The following PDZRN4 variants were observed in gnomAD, a reference collection of about 807,000 sequenced individuals.
PDZRN4 encodes PDZ domain-containing RING finger protein 4.
PDZRN4 carries 70 observed loss-of-function variants against 99.0 expected under a neutral mutation model. That is an observed-to-expected ratio of 0.71 (90% CI 0.58 to 0.86). PDZRN4 has a LOEUF of 0.86. PDZRN4 is among the 40% of genes least tolerant of loss of function. The probability of loss-of-function intolerance (pLI) is 0.00; values close to 1 mark genes in which losing one functional copy is unlikely to be tolerated. For synonymous variants in PDZRN4, 551 were observed against 501.6 expected, an observed-to-expected ratio of 1.10 and a Z score of -1.32; for missense variants, 1,474 against 1,331.2, an observed-to-expected ratio of 1.11 and a Z score of -1.67.
intron 3 of PDZRN4, among the ~76,000 whole-genome samples, chr12:41,234,474 T>C (rs376929593): frequency 6.6e-6 from 1 of 152,084 alleles, no homozygotes; most frequent in African/African-American, 2.4e-5. Flanking sequence ...AATCACAATG[T>C]GAAACAATTT....
intron 3 of PDZRN4, among the ~76,000 whole-genome samples, chr12:41,444,775 A>T (rs1409788097): frequency 6.6e-6 from 1 of 152,070 alleles, no homozygotes; most frequent in Non-Finnish European, 1.5e-5. Context: ...TTAAAAAGTA[A>T]AATAAGTTGA....
At chr12:41,283,827 A>C (rs1394015930) in intron 3 of PDZRN4, among the ~76,000 whole-genome samples, 2 of 152,148 alleles carry the variant, frequency 1.3e-5, no homozygotes, top group African/African-American at 2.4e-5. Context: ...TGCTAAAAAC[A>C]CTCAATAAAC....
At chr12:41,309,596 A>T (rs1343603147) in intron 3 of PDZRN4, among the ~76,000 whole-genome samples, 3 of 152,150 alleles carry the variant, frequency 2.0e-5, no homozygotes, top group Non-Finnish European at 2.9e-5. Context: ...TATAAGTAAT[A>T]TTAAAGTTAA....
chr12:41,381,233 G>C (rs1410970710), intron 3 of PDZRN4, among the ~76,000 whole-genome samples: 2 of 151,644 alleles, frequency 1.3e-5, no homozygotes, highest in Non-Finnish European at 2.9e-5. Flanking sequence ...GGACTATTTG[G>C]GTCTCATGAA....
intron 3 of PDZRN4, among the ~76,000 whole-genome samples, chr12:41,381,289 T>C (rs1488790816): frequency 2.0e-5 from 3 of 152,182 alleles, no homozygotes; most frequent in Non-Finnish European, 4.4e-5. Context: ...TTTCTTTAAA[T>C]AGACTTTCTG....
At chr12:41,350,520 AT>A (rs1309144919) in intron 3 of PDZRN4, among the ~76,000 whole-genome samples, 1 of 152,168 alleles carries the variant, frequency 6.6e-6, no homozygotes, top group Non-Finnish European at 1.5e-5. Context: ...AATTTGATAC[AT>A]TTTAGTGAAA....
At chr12:41,391,442 C>T (rs146196415) in intron 3 of PDZRN4, among the ~76,000 whole-genome samples, 189 of 152,226 alleles carry the variant, frequency 1.2e-3, no homozygotes, top group African/African-American at 4.4e-3. Flanking sequence ...CCAAGCTCAC[C>T]GTATAACCAA....
chr12:41,198,498 T>G (rs1438043606), intron 3 of PDZRN4, among the ~76,000 whole-genome samples: 1 of 151,614 alleles, frequency 6.6e-6, no homozygotes, highest in African/African-American at 2.4e-5. Flanking sequence ...TATTAAAATC[T>G]TTTTATTCTA....
intron 3 of PDZRN4, among the ~76,000 whole-genome samples, chr12:41,198,490 T>C (rs1289947858): frequency 2.0e-5 from 3 of 151,790 alleles, no homozygotes; most frequent in African/African-American, 7.3e-5. Context: ...AGTGTATATA[T>C]TAAAATCTTT....
intron 3 of PDZRN4, among the ~76,000 whole-genome samples, chr12:41,477,706 G>A (rs553735049): frequency 6.6e-6 from 1 of 152,192 alleles, no homozygotes; most frequent in South Asian, 2.1e-4. Flanking sequence ...ATAAATGATG[G>A]TTATTTGGTG....
chr12:41,432,558 T>G (rs1056108241), intron 3 of PDZRN4, among the ~76,000 whole-genome samples: 1 of 152,238 alleles, frequency 6.6e-6, no homozygotes, highest in Non-Finnish European at 1.5e-5. Context: ...GGTACAATTC[T>G]ATGAGTTTTG....
chr12:41,489,025 T>A (rs539273213), intron 3 of PDZRN4, among the ~76,000 whole-genome samples: 1 of 152,312 alleles, frequency 6.6e-6, no homozygotes, highest in Admixed American at 6.5e-5. Flanking sequence ...AAGTGGCCCA[T>A]CACAAATGCA....
At chr12:41,395,837 C>T (rs565686578) in intron 3 of PDZRN4, among the ~76,000 whole-genome samples, 45 of 152,204 alleles carry the variant, frequency 3.0e-4, no homozygotes, top group African/African-American at 1.1e-3. Flanking sequence ...TAGGACACTA[C>T]CTTAGATTTT....
At chr12:41,550,864 A>G (rs567643144) in intron 5 of PDZRN4, among the ~76,000 whole-genome samples, 1 of 152,314 alleles carries the variant, frequency 6.6e-6, no homozygotes, top group South Asian at 2.1e-4. Flanking sequence ...TAAACAGGTT[A>G]TTATCCACTG....
chr12:41,295,324 C>T lies in PDZRN4; in HGVS notation c.843+101136C>T, dbSNP rs1951484827. Among the ~76,000 whole-genome samples the T allele has an allele frequency of 3.3e-5, 5 of 151,986 alleles. No individual in the cohort carries two copies. In the South Asian group the frequency reaches 6.2e-4, roughly 19 times the overall value. On this transcript the variant is annotated intron_variant, in intron 3 of 9. Transcript: ENST00000402685. ...CAATTACAAAGAGTTCCCATATTGT[C>T]ATCAAATCAAAAATAGTCCCCAATT...
chr12:41,399,882 C>T (rs1309791274), intron 3 of PDZRN4, among the ~76,000 whole-genome samples: 1 of 151,922 alleles, frequency 6.6e-6, no homozygotes, highest in Non-Finnish European at 1.5e-5. Flanking sequence ...TCTGTTTATG[C>T]AGAAGCTTCT....
chr12:41,453,447 C>A (rs1378243961), intron 3 of PDZRN4, among the ~76,000 whole-genome samples: 1 of 152,174 alleles, frequency 6.6e-6, no homozygotes, highest in Non-Finnish European at 1.5e-5. Context: ...GTCATTGGAG[C>A]ATATTCTGAG....
At chr12:41,415,367 TAATA>T (rs1952436050) in intron 3 of PDZRN4, among the ~76,000 whole-genome samples, 1 of 148,936 alleles carries the variant, frequency 6.7e-6, no homozygotes, top group African/African-American at 2.4e-5. Flanking sequence ...ATAATATATG[TAATA>T]AATGTTATAT....
rs1488358042 is a variant in PDZRN4 at position 41,283,876 on chromosome 12, A to G, written c.843+89688A>G. 2.0e-5 allele frequency among the ~76,000 whole-genome samples: 3 copies of G among 152,214 alleles called. No individual in the cohort carries two copies. The East Asian group carries it at 5.8e-4, about 29-fold the overall frequency. On this transcript the variant is annotated intron_variant, in intron 3 of 9. Transcript: ENST00000402685. ...AACATATCTCAAAATAATAAGAGCT[A>G]TTTATGACAGACCCACAGCCAATAT...
Sources: gnomAD v4.1 joint callset for allele counts (sites outside exome capture counted in the v4.1 genomes callset) on GRCh38, gnomAD v4.1.1 for gene constraint, MANE v1.5 for transcripts, NCBI Gene and HGNC (gene_info 2026-07-23, HGNC 2026-07-21) for gene names.